Variants in DIDO1 observed in about 807,000 individuals in gnomAD.
DIDO1 encodes death inducer-obliterator 1.
Under a neutral mutation model 99.4 loss-of-function variants are expected in DIDO1, and 16 were observed. The observed-to-expected ratio is 0.16, with a 90% confidence interval of 0.11 to 0.24. The LOEUF (loss-of-function observed/expected upper bound fraction) is 0.24, where lower values mean the gene tolerates loss of function less well. Ranked by LOEUF, DIDO1 falls within the 10% of genes least tolerant of loss-of-function variation. The pLI is 1.00. For synonymous variants in DIDO1, 1,366 were observed against 1,239.1 expected, an observed-to-expected ratio of 1.10 and a Z score of -2.15; for missense variants, 2,996 against 3,014.0, an observed-to-expected ratio of 0.99 and a Z score of 0.14.
rs1361760775 is a variant in DIDO1, at chr20:62,879,875, C to T, written c.6081G>A (p.Leu2027=). 3 of 1,591,276 alleles carry T rather than the reference C, an allele frequency of 1.9e-6. No individual in the cohort carries two copies. Among genetic ancestry groups the T allele is most frequent in the African/African-American group, 2.7e-5 (2 of 73,806 alleles). Residue 2027 remains leucine, a synonymous_variant, in exon 16 of 16, where the codon CTG becomes CTA. Transcript: ENST00000395343. The surrounding 1 kb of genome is among the most constrained non-coding windows in gnomAD (Gnocchi z 6.3). ...QVMKPGPRPL[L]ELPSHPPQHR... ...GCTGCGGGGGGTGGCTGGGAAGCTC[C>T]AGCAGGGGCCTGGGGCCCGGCTTCA...
chr20:62,936,889 A>T (rs775206512), intron 1 of DIDO1, among the ~76,000 whole-genome samples: 36 of 152,246 alleles, frequency 2.4e-4, no homozygotes, highest in Non-Finnish European at 3.7e-4. Context: ...AAAGACCAAT[A>T]ACTGTTTCCC....
chr20:62,929,758 GTTTTTT>G (rs35776708), upstream of DIDO1, among the ~76,000 whole-genome samples: 1 of 126,052 alleles, frequency 7.9e-6, no homozygotes, highest in Non-Finnish European at 1.6e-5. Flanking sequence ...CCACTGTTTT[GTTTTTT>G]TTTTTTGAGA....
chr20:62,886,584 G>A (rs930089331), intron 15 of DIDO1, among the ~76,000 whole-genome samples: 2 of 152,184 alleles, frequency 1.3e-5, no homozygotes, highest in East Asian at 3.9e-4. Flanking sequence ...GCTTCTCAGG[G>A]TGCAGGAAGC....
At position 62,911,280 on chromosome 20, in the gene DIDO1, G is replaced by A. The variant is rs555614771; in HGVS notation, c.333C>T (p.Ser111=). 9.3e-6 allele frequency: 15 copies of A among 1,612,464 alleles called. No homozygotes were observed. Among genetic ancestry groups the A allele is most frequent in the South Asian group, 3.3e-5 (3 of 91,082 alleles). Residue 111 remains serine, a synonymous_variant, in exon 3 of 16, where the codon TCC becomes TCT. Coordinates refer to ENST00000395343, the MANE Select transcript of DIDO1 (RefSeq NM_001193369.2). This position sits in a 1 kb window ranked among gnomAD's most constrained non-coding sequence, Gnocchi z 7.0. ...SCPATDAETA[S]EGSVESASET... is the part of the protein sequence containing the mutation. ...CAGAAGCGCTTTCCACGCTGCCCTCGGAGGCTGTCTCGGCGTCTGTGGCGG... is the reference window on the plus strand; with the variant it reads ...CAGAAGCGCTTTCCACGCTGCCCTCAGAGGCTGTCTCGGCGTCTGTGGCGG...
At chr20:62,899,575 C>T (rs190438765) in intron 6 of DIDO1, among the ~76,000 whole-genome samples, 23 of 152,324 alleles carry the variant, frequency 1.5e-4, no homozygotes, top group Admixed American at 7.2e-4. Flanking sequence ...TAAAACCACC[C>T]ATTACCCAAG....
chr20:62,880,794 C>A lies in DIDO1; in HGVS notation c.5162G>T (p.Gly1721Val). ...GGGTCTGGCCTGTGGCTCTCTGTCC[C>A]CCTCTGTTTCACCTGCAGGGCTGCT... ...RSSSPAGETE[G>V]DREPQARPGE... is the part of the protein sequence containing the mutation. Residue 1721 changes from glycine to valine, a missense_variant, in exon 16 of 16, where the codon GGG becomes GTG. By Grantham distance (109) the Gly-to-Val change is moderately radical. Coordinates refer to ENST00000395343, the MANE Select transcript of DIDO1 (RefSeq NM_001193369.2). 6.2e-7 allele frequency: 1 copy of A among 1,612,772 alleles called. No homozygotes were observed.
chr20:62,881,467 C>G lies in DIDO1; in HGVS notation c.4489G>C (p.Glu1497Gln), dbSNP rs1293015230. 1 of 1,610,236 alleles carries G rather than the reference C, an allele frequency of 6.2e-7. No individual in the cohort carries two copies. Among genetic ancestry groups the G allele is most frequent in the Admixed American group, 1.7e-5 (1 of 60,022 alleles). The change falls in exon 16 of 16, where the codon GAA becomes CAA. Residue 1497 changes from glutamate to glutamine, a missense_variant. Transcript: ENST00000395343. The surrounding 1 kb of genome is among the most constrained non-coding windows in gnomAD (Gnocchi z 8.3). Reference protein sequence around the residue: ...EEQKRQLEEQEEALRQQRAAV... With the variant: ...EEQKRQLEEQQEALRQQRAAV... ...GCCCTCTGCTGCCTGAGAGCTTCTT[C>G]TTGCTCCTCCAGCTGTCTCTTCTGC...
chr20:62,881,454 C>T lies in DIDO1; in HGVS notation c.4502G>A (p.Arg1501Lys). The change falls in exon 16 of 16, where the codon AGG becomes AAG. Residue 1501 changes from arginine to lysine, a missense_variant. Physicochemically the swap from Arg to Lys is conservative, Grantham distance 26. Around this residue, in one of 5 missense-constraint regions of DIDO1, gnomAD observed 1,562 missense variants for 1,412.6 expected, o/e 1.11. Coordinates refer to ENST00000395343, the MANE Select transcript of DIDO1 (RefSeq NM_001193369.2). This position sits in a 1 kb window ranked among gnomAD's most constrained non-coding sequence, Gnocchi z 8.3. ...GACCCCGACGGCGGCCCTCTGCTGC[C>T]TGAGAGCTTCTTCTTGCTCCTCCAG... ...RQLEEQEEAL[R>K]QQRAAVGVSM... 1 of 1,609,814 alleles carries T rather than the reference C, an allele frequency of 6.2e-7. No individual in the cohort carries two copies.
chr20:62,931,810 C>T (rs1269147159), intron 1 of DIDO1, among the ~76,000 whole-genome samples: 1 of 151,970 alleles, frequency 6.6e-6, no homozygotes, highest in Non-Finnish European at 1.5e-5. Flanking sequence ...ATTGTGCAGG[C>T]TACAATTAAA....
chr20:62,924,341 T>C (rs1302698952), intron 1 of DIDO1, among the ~76,000 whole-genome samples: 1 of 152,240 alleles, frequency 6.6e-6, no homozygotes, highest in Non-Finnish European at 1.5e-5. Flanking sequence ...GGGAGTCACC[T>C]GTTAAACACT....
chr20:62,890,181 C>G (rs1466879016), intron 15 of DIDO1: 1 of 985,932 alleles, frequency 1.0e-6, no homozygotes, highest in Non-Finnish European at 1.2e-6. Context: ...ACTGTGTGAT[C>G]CACACACCCG....
At chr20:62,921,882 A>G (rs540281928) in intron 1 of DIDO1, among the ~76,000 whole-genome samples, 64 of 150,862 alleles carry the variant, frequency 4.2e-4, no homozygotes, top group Non-Finnish European at 8.0e-4. Context: ...TCCACAATAT[A>G]TATACACACT....
At chr20:62,913,505 G>C (rs1249909571) in intron 2 of DIDO1, among the ~76,000 whole-genome samples, 2 of 152,358 alleles carry the variant, frequency 1.3e-5, no homozygotes, top group African/African-American at 4.8e-5. Context: ...ATATATGGTA[G>C]AGCAATTATT....
chr20:62,933,903 G>A (rs6011488), intron 1 of DIDO1, among the ~76,000 whole-genome samples: 34,239 of 152,068 alleles, frequency 0.23, 4,115 homozygotes, highest in East Asian at 0.33. Flanking sequence ...TATACCTTTA[G>A]CACTCCTCTT....
Position 62,879,799 on chromosome 20 carries a change from T to C in DIDO1, c.6157A>G (p.Ser2053Gly), listed in dbSNP as rs148889648. 5.0e-6 allele frequency: 8 copies of C among 1,611,092 alleles called. No homozygotes were observed. The highest frequency in any genetic ancestry group is 1.1e-5 in the South Asian group (1 of 91,054). Reference protein sequence around the residue: ...EAGPPSALSSSAPGQGPEADG... With the variant: ...EAGPPSALSSGAPGQGPEADG... ...GCCTCGGGGCCCTGTCCGGGCGCAC[T>C]GGAGGAGAGCGCGGAGGGCGGCCCG... Residue 2053 changes from serine to glycine, a missense_variant, in exon 16 of 16, where the codon AGT becomes GGT. This residue lies in a region of DIDO1 where 1,562 missense variants were observed against 1,412.6 expected (regional missense o/e 1.11). Coordinates refer to ENST00000395343, the MANE Select transcript of DIDO1 (RefSeq NM_001193369.2). This position sits in a 1 kb window ranked among gnomAD's most constrained non-coding sequence, Gnocchi z 6.3.
rs761446831 is a variant in DIDO1 at position 62,910,816 on chromosome 20, G to T, written c.797C>A (p.Pro266His). 19 of 1,614,210 alleles carry T rather than the reference G, an allele frequency of 1.2e-5. No homozygotes were observed. Among genetic ancestry groups the T allele is most frequent in the Non-Finnish European group, 1.6e-5 (19 of 1,180,042 alleles). ...GCGGCAAATGCAATACAGGGCGTTG[G>T]GGTCGTAACCCTCACATTCAGGCTT... ...RPKPECEGYD[P>H]NALYCICRQP... is the part of the protein sequence containing the mutation. Residue 266 changes from proline (P) to histidine (H), a missense_variant, in exon 3 of 16, where the codon CCC (proline) becomes CAC (histidine). Physicochemically the swap from Pro to His is moderately conservative, Grantham distance 77 (BLOSUM62 -2). This residue lies in a region of DIDO1 where 388 missense variants were observed against 376.6 expected (regional missense o/e 1.03). Coordinates refer to ENST00000395343, the MANE Select transcript of DIDO1 (RefSeq NM_001193369.2).
chr20:62,885,950 G>A (rs879285076), intron 15 of DIDO1, among the ~76,000 whole-genome samples: 8 of 152,218 alleles, frequency 5.3e-5, no homozygotes, highest in South Asian at 2.1e-4. Flanking sequence ...GGGGGCAGTC[G>A]AGGTTGCCCA....
At chr20:62,927,647 G>A (rs1156544887), upstream of DIDO1, among the ~76,000 whole-genome samples, 3 of 152,244 alleles carry the variant, frequency 2.0e-5, no homozygotes, top group Non-Finnish European at 4.4e-5. Flanking sequence ...GGCCCAGAGT[G>A]CCGTAAAGCT....
intron 4 of DIDO1, among the ~76,000 whole-genome samples, 198 bp downstream of exon 4, chr20:62,909,501 G>A (rs2064879591): frequency 6.6e-6 from 1 of 152,232 alleles, no homozygotes; most frequent in South Asian, 2.1e-4. Context: ...CAACAATTAA[G>A]TCATTAATAG....
Sources: allele counts gnomAD v4.1 joint callset (sites outside exome capture counted in the v4.1 genomes callset), GRCh38; gene constraint gnomAD v4.1.1; regional missense constraint gnomAD v4.1.1; non-coding constraint Gnocchi (gnomAD v3.1); transcripts MANE v1.5; gene names NCBI Gene and HGNC (gene_info 2026-07-23, HGNC 2026-07-21).